Variants in LINGO2 observed in about 807,000 individuals in gnomAD.
The protein encoded by LINGO2 is leucine rich repeat and Ig domain containing 2.
LINGO2 carries 14 observed loss-of-function variants against 30.6 expected under a neutral mutation model. The ratio of observed to expected loss-of-function variants is 0.46; its 90% CI spans 0.30 to 0.72. The LOEUF is 0.72. Among genes scored for constraint, LINGO2 ranks in the 30% least tolerant of loss-of-function variants. The pLI, the probability that LINGO2 is intolerant of heterozygous loss-of-function variation, is 0.07. For missense variants in LINGO2, 729 were observed against 751.7 expected, an observed-to-expected ratio of 0.97 and a Z score of 0.35; for synonymous variants, 317 against 288.5, an observed-to-expected ratio of 1.10 and a Z score of -1.00.
intron 5 of LINGO2, among the ~76,000 whole-genome samples, chr9:27,966,852 G>A (rs962155225): frequency 9.2e-5 from 14 of 152,082 alleles, no homozygotes; most frequent in Admixed American, 6.6e-4. Flanking sequence ...TAGATAGAAC[G>A]TGTGCCTACG....
At chr9:28,754,726 G>T in the LINGO2 span, among the ~76,000 whole-genome samples, 3 of 151,476 alleles carry the variant, frequency 2.0e-5, no homozygotes, top group Admixed American at 6.6e-5. Flanking sequence ...CACCTCCCAG[G>T]TTCACACCAT....
chr9:28,495,115 T>C (rs996621846), intron 1 of LINGO2, among the ~76,000 whole-genome samples: 1 of 152,226 alleles, frequency 6.6e-6, no homozygotes, highest in Non-Finnish European at 1.5e-5. Flanking sequence ...TTCTGGATAT[T>C]AGCCCTTTGT....
chr9:28,816,588 A>T, the LINGO2 span, among the ~76,000 whole-genome samples: 1 of 152,174 alleles, frequency 6.6e-6, no homozygotes, highest in Non-Finnish European at 1.5e-5. Context: ...TATAATAACC[A>T]TCTTTACAAA....
intron 4 of LINGO2, among the ~76,000 whole-genome samples, chr9:28,042,667 T>C (rs534089306): frequency 1.3e-5 from 2 of 152,176 alleles, no homozygotes; most frequent in Non-Finnish European, 2.9e-5. Context: ...ATTCAATCTA[T>C]TTTTCAGTCT....
At chr9:28,625,622 T>C (rs7873507) in intron 1 of LINGO2, among the ~76,000 whole-genome samples, 35,543 of 152,038 alleles carry the variant, frequency 0.23, 4,969 homozygotes, top group African/African-American at 0.37. Flanking sequence ...AAAAAAGTAA[T>C]ATTTGTAAAG....
At chr9:27,948,017 G>A (rs903531443), downstream of LINGO2, 25 of 152,136 alleles carry the variant, frequency 1.6e-4, no homozygotes, top group Non-Finnish European at 4.4e-5. Context: ...GAGAAACCAA[G>A]GGCTTTGTTT....
intron 4 of LINGO2, among the ~76,000 whole-genome samples, chr9:28,124,164 G>A (rs1418080274): frequency 6.6e-6 from 1 of 152,170 alleles, no homozygotes; most frequent in Non-Finnish European, 1.5e-5. Flanking sequence ...CTTGGTGGTA[G>A]TCTGAAGGAT....
chr9:28,125,146 T>C (rs1334766732), intron 4 of LINGO2, among the ~76,000 whole-genome samples: 3 of 152,164 alleles, frequency 2.0e-5, no homozygotes, highest in African/African-American at 7.2e-5. Flanking sequence ...CTGGGGATAG[T>C]GTAAGGAAGA....
the LINGO2 span, among the ~76,000 whole-genome samples, chr9:28,751,933 A>G: frequency 2.2e-4 from 34 of 152,074 alleles, no homozygotes; most frequent in Non-Finnish European, 4.3e-4. Flanking sequence ...CAAGAGTCTC[A>G]TTTCCTTTGT....
Position 28,104,257 on chromosome 9 carries a change from TTTTTGTTTG to T in LINGO2, c.-86-91861_-86-91853del, listed in dbSNP as rs1237809607. Among the ~76,000 whole-genome samples the T allele has an allele frequency of 6.1e-5, 8 of 130,844 alleles. 1 individual carries two copies. The East Asian group carries it at 6.7e-4, about 11-fold the overall frequency. 85.8% of individuals were successfully genotyped at this position (130,844 alleles called of 152,430 possible). ...GGATTTGCTTTTCCCCAGTACAAGT[TTTTTGTTTG>T]TTTTTTTTTTTTTTTTTTTTGCTTT... On this transcript the variant is annotated intron_variant, in intron 4 of 5. Coordinates refer to ENST00000379992, the Ensembl canonical transcript of LINGO2.
In LINGO2 at chr9:28,445,874, T is replaced by C. The variant is rs548999265; in HGVS notation, c.-279+30066A>G. 7.2e-5 allele frequency among the ~76,000 whole-genome samples: 11 copies of C among 152,318 alleles called. 1 individual carries two copies. The South Asian group carries it at 2.3e-3, about 32-fold the overall frequency. Reference sequence around the variant, plus strand: ...CAGAAGGGGGAAAAAAACATGATTATGGGTTATGATTTACTACCTCACATT... The same window carrying C: ...CAGAAGGGGGAAAAAAACATGATTACGGGTTATGATTTACTACCTCACATT... On this transcript the variant is annotated intron_variant, in intron 2 of 5. Coordinates refer to ENST00000379992, the Ensembl canonical transcript of LINGO2.
upstream of LINGO2, among the ~76,000 whole-genome samples, chr9:28,670,446 T>G (rs1296497056): frequency 6.6e-6 from 1 of 152,160 alleles, no homozygotes; most frequent in Admixed American, 6.5e-5. Context: ...AATATAGCAA[T>G]GAAAATTATG....
At chr9:28,370,548 G>T (rs527886338) in intron 3 of LINGO2, among the ~76,000 whole-genome samples, 28 of 152,254 alleles carry the variant, frequency 1.8e-4, no homozygotes, top group African/African-American at 6.5e-4. Context: ...TATAAATATG[G>T]TAAAAATACA....
the LINGO2 span, among the ~76,000 whole-genome samples, chr9:29,111,917 TTATA>T: frequency 6.7e-6 from 1 of 149,998 alleles, no homozygotes; most frequent in Non-Finnish European, 1.5e-5. Flanking sequence ...ATACATATAT[TTATA>T]TATGTGTGTA....
chr9:28,105,659 A>C (rs1052967074), intron 4 of LINGO2, among the ~76,000 whole-genome samples: 5 of 152,162 alleles, frequency 3.3e-5, no homozygotes, highest in Admixed American at 3.3e-4. Flanking sequence ...AACTGAGCTC[A>C]TACAGGTGGA....
intron 4 of LINGO2, among the ~76,000 whole-genome samples, chr9:28,181,895 A>T (rs190393687): frequency 8.5e-5 from 13 of 152,300 alleles, no homozygotes; most frequent in Admixed American, 6.5e-4. Flanking sequence ...ACCCAAAGTA[A>T]TTTATAAATT....
the LINGO2 span, among the ~76,000 whole-genome samples, chr9:29,099,388 A>G: frequency 6.6e-6 from 1 of 152,198 alleles, no homozygotes; most frequent in Non-Finnish European, 1.5e-5. Flanking sequence ...AAATGGGATC[A>G]CATCAAGATA....
intron 2 of LINGO2, among the ~76,000 whole-genome samples, chr9:28,383,113 T>C (rs1427306519): frequency 2.6e-5 from 4 of 152,072 alleles, no homozygotes; most frequent in South Asian, 2.1e-4. Flanking sequence ...TTTTTTCATG[T>C]ATAGCTCCTC....
At chr9:28,660,538 G>A (rs1423348172) in intron 1 of LINGO2, among the ~76,000 whole-genome samples, 3 of 151,954 alleles carry the variant, frequency 2.0e-5, no homozygotes, top group African/African-American at 7.2e-5. Context: ...ATATCTCACA[G>A]TAAACATATA....
Sources: allele counts gnomAD v4.1 joint callset (sites outside exome capture counted in the v4.1 genomes callset), GRCh38; gene constraint gnomAD v4.1.1; transcripts MANE v1.5; gene names NCBI Gene and HGNC (gene_info 2026-07-23, HGNC 2026-07-21).